The following UPP2 variants were observed in gnomAD, a reference collection of about 807,000 sequenced individuals.
UPP2 encodes the protein UPase 2.
A neutral mutation model predicts 26.7 loss-of-function variants in UPP2; 23 were observed. The ratio of observed to expected loss-of-function variants is 0.86; its 90% confidence interval spans 0.62 to 1.22. The LOEUF is 1.22. Among genes scored for constraint, UPP2 ranks in the 50% most tolerant of loss-of-function variants. The pLI is 0.00. For synonymous variants in UPP2, 127 were observed against 141.3 expected, an observed-to-expected ratio of 0.90 and a Z score of 0.72; for missense variants, 387 against 396.7, an observed-to-expected ratio of 0.98 and a Z score of 0.21.
intron 3 of UPP2, among the ~76,000 whole-genome samples, chr2:158,064,739 T>G (rs1303426121): frequency 6.6e-6 from 1 of 152,246 alleles, no homozygotes; most frequent in Non-Finnish European, 1.5e-5. Context: ...TTTAAGTCTT[T>G]GATACATCTT....
intron 3 of UPP2, among the ~76,000 whole-genome samples, chr2:158,052,622 G>T (rs547586692): frequency 1.3e-5 from 2 of 152,244 alleles, no homozygotes; most frequent in Non-Finnish European, 2.9e-5. Context: ...ACTTTGATAA[G>T]GTTACTTAAC....
intron 3 of UPP2, among the ~76,000 whole-genome samples, chr2:158,073,552 T>G (rs1238287280): frequency 6.6e-6 from 1 of 151,520 alleles, no homozygotes; most frequent in African/African-American, 2.4e-5. Flanking sequence ...ATAATCAAAC[T>G]CCCAAAGATC....
intron 3 of UPP2, among the ~76,000 whole-genome samples, chr2:158,016,336 G>A (rs998757378): frequency 1.3e-5 from 2 of 151,716 alleles, no homozygotes; most frequent in Non-Finnish European, 2.9e-5. Context: ...AAATTCTTGT[G>A]AATTAGATGA....
chr2:158,023,162 G>A (rs888790881), intron 3 of UPP2, among the ~76,000 whole-genome samples: 5 of 135,056 alleles, frequency 3.7e-5, no homozygotes, highest in African/African-American at 5.2e-5. Flanking sequence ...GATGGGGTGT[G>A]TTAAAGTCTT....
chr2:158,031,597 A>G (rs1395643237), intron 3 of UPP2, among the ~76,000 whole-genome samples: 2 of 152,156 alleles, frequency 1.3e-5, no homozygotes, highest in African/African-American at 4.8e-5. Flanking sequence ...TCTAACAAGG[A>G]TCTGCAGAGG....
At chr2:157,997,094 T>G (rs1683334397) in intron 2 of UPP2, among the ~76,000 whole-genome samples, 1 of 152,156 alleles carries the variant, frequency 6.6e-6, no homozygotes, top group African/African-American at 2.4e-5. Context: ...AAACGTTTCT[T>G]TGGAAACTCT....
Position 158,074,219 on chromosome 2 carries a change from A to G in UPP2, c.148-27821A>G, listed in dbSNP as rs535967137. Among the ~76,000 whole-genome samples, 106 of 152,284 alleles carry G rather than the reference A, an allele frequency of 7.0e-4. 1 individual carries two copies. Among genetic ancestry groups the G allele is most frequent in the African/African-American group, 2.5e-3 (104 of 41,572 alleles). ...TCCAAACAGAAAAGAAAGAAAATAC[A>G]TCATCTGAAGATAGAAAACTCACTG... On this transcript the variant is annotated intron_variant, in intron 3 of 9. Coordinates refer to the UPP2 transcript ENST00000605860.
At position 158,019,857 on chromosome 2, in the gene UPP2, T is replaced by C. The variant is rs180987777; in HGVS notation, c.147+3971T>C. On this transcript the variant is annotated intron_variant, in intron 3 of 9. Coordinates refer to the UPP2 transcript ENST00000605860. ...AGTTTTTTAGAGTGATAGATCTGTATCCTGAAGGTGGTTACGTAAATTTAC... is the reference window on the plus strand; with the variant it reads ...AGTTTTTTAGAGTGATAGATCTGTACCCTGAAGGTGGTTACGTAAATTTAC... Among the ~76,000 whole-genome samples, 502 of 152,304 alleles carry C rather than the reference T, an allele frequency of 3.3e-3. 1 individual carries two copies. Among genetic ancestry groups the C allele is most frequent in the African/African-American group, 0.012 (485 of 41,564 alleles).
intron 2 of UPP2, among the ~76,000 whole-genome samples, chr2:158,110,036 G>C (rs1013568998): frequency 7.9e-5 from 12 of 152,146 alleles, no homozygotes; most frequent in Admixed American, 1.3e-4. Flanking sequence ...TTAAGTTCTA[G>C]GGTACATGTG....
chr2:158,114,813 G>A (rs1683390171), intron 2 of UPP2, among the ~76,000 whole-genome samples: 1 of 152,038 alleles, frequency 6.6e-6, no homozygotes, highest in Non-Finnish European at 1.5e-5. Flanking sequence ...GATGCTGGTT[G>A]GTGTTCACTA....
intron 3 of UPP2, among the ~76,000 whole-genome samples, chr2:158,018,410 T>C (rs16842426): frequency 0.048 from 7,319 of 152,310 alleles, 590 homozygotes; most frequent in African/African-American, 0.16. Context: ...AAGTGAGCAT[T>C]AGCTTCCTTT....
chr2:158,065,528 C>T, intron 3 of UPP2: 9 of 450,674 alleles, frequency 2.0e-5, no homozygotes, highest in Non-Finnish European at 3.4e-5. Context: ...TATTGAGTGT[C>T]TTTTAACTAA....
Position 158,106,298 on chromosome 2 carries a change from C to A in UPP2, c.180+82C>A, listed in dbSNP as rs574609083. 1.6e-5 allele frequency: 19 copies of A among 1,217,986 alleles called. No individual in the cohort carries two copies. The African/African-American group carries it at 1.7e-4, about 11-fold the overall frequency. 75.4% of individuals were successfully genotyped at this position (1,217,986 alleles called of 1,614,324 possible). A position where few individuals can be genotyped will look rare whatever the true frequency, so the allele number is the denominator to read the frequency against. The stretch of plus-strand genomic sequence containing the variant: ...TCTTACCTTGCCAAAATAATCTATA[C>A]ACCTTTGGCTAGCACAGTCCCAATA... On this transcript the variant is annotated intron_variant, in intron 2 of 6. Coordinates refer to ENST00000005756, the MANE Select transcript of UPP2 (RefSeq NM_173355.4).
intron 3 of UPP2, among the ~76,000 whole-genome samples, chr2:158,029,854 A>G (rs1683897968): frequency 6.6e-6 from 1 of 151,426 alleles, no homozygotes; most frequent in South Asian, 2.1e-4. Flanking sequence ...AAATGATTCA[A>G]TCACTGCTAG....
At chr2:158,059,243 C>T (rs1682311704) in intron 3 of UPP2, among the ~76,000 whole-genome samples, 1 of 152,210 alleles carries the variant, frequency 6.6e-6, no homozygotes, top group Non-Finnish European at 1.5e-5. Context: ...TATGGAATCT[C>T]CGAACTTACA....
chr2:158,133,122 G>A (rs796696605), intron 6 of UPP2, among the ~76,000 whole-genome samples: 4 of 152,288 alleles, frequency 2.6e-5, no homozygotes, highest in African/African-American at 9.6e-5. Context: ...TCAACCAAGT[G>A]TCCATCAACA....
intron 3 of UPP2, among the ~76,000 whole-genome samples, chr2:158,083,865 T>TATATATATATATATA (rs1553467788): frequency 2.3e-4 from 27 of 118,754 alleles, no homozygotes; most frequent in African/African-American, 8.0e-4. Flanking sequence ...TATATATGTT[T>TATATATATATATATA]TTTATATATA....
At chr2:158,051,171 G>T (rs963056624) in intron 3 of UPP2, among the ~76,000 whole-genome samples, 3 of 143,432 alleles carry the variant, frequency 2.1e-5, no homozygotes, top group South Asian at 2.2e-4. Context: ...GTGTGTGTGT[G>T]TGTGTGTGTG....
intron 3 of UPP2, among the ~76,000 whole-genome samples, chr2:158,043,264 G>T (rs928989497): frequency 2.6e-5 from 4 of 152,166 alleles, no homozygotes; most frequent in Non-Finnish European, 1.5e-5. Flanking sequence ...GCTGGCCTGG[G>T]AACACCTTCT....
Sources: allele counts gnomAD v4.1 joint callset (sites outside exome capture counted in the v4.1 genomes callset), GRCh38; gene constraint gnomAD v4.1.1; transcripts MANE v1.5; gene names NCBI Gene and HGNC (gene_info 2026-07-23, HGNC 2026-07-21).